Variants in PARPBP observed in about 807,000 individuals in gnomAD.
The protein encoded by PARPBP is PCNA-interacting partner.
In PARPBP, 52 loss-of-function variants were observed where a neutral mutation model predicts 50.0. The ratio of observed to expected loss-of-function variants is 1.04; its 90% CI spans 0.83 to 1.31. The LOEUF (loss-of-function observed/expected upper bound fraction) is 1.31. Ranked by LOEUF, PARPBP falls within the 50% of genes most tolerant of loss-of-function variation. The pLI, the probability that PARPBP is intolerant of heterozygous loss-of-function variation, is 0.00. For missense variants in PARPBP, 697 were observed against 672.0 expected (o/e 1.04, Z -0.41); for synonymous variants, 244 against 232.1 (o/e 1.05, Z -0.47).
chr12:102,194,777 ATTTTG>A (rs1891114674), intron 9 of PARPBP, among the ~76,000 whole-genome samples: 1 of 151,546 alleles, frequency 6.6e-6, no homozygotes, highest in African/African-American at 2.4e-5. Flanking sequence ...TTCCTATATC[ATTTTG>A]TTTTATCTTG....
intron 2 of PARPBP, among the ~76,000 whole-genome samples, chr12:102,134,399 A>G (rs1274822275): frequency 1.3e-5 from 2 of 152,196 alleles, no homozygotes; most frequent in Non-Finnish European, 2.9e-5. Context: ...CCAAGACTAC[A>G]TCATGAAGAA....
intron 8 of PARPBP, among the ~76,000 whole-genome samples, chr12:102,180,596 G>A (rs73384888): frequency 1.3e-5 from 2 of 152,128 alleles, no homozygotes; most frequent in Non-Finnish European, 2.9e-5. Flanking sequence ...CCAGCTACTT[G>A]GGAGCCTGAG....
Position 102,178,602 on chromosome 12 carries a change from A to T in PARPBP, c.1016A>T (p.His339Leu). The T allele has an allele frequency of 6.4e-7, 1 of 1,572,786 alleles. No homozygotes were observed. The highest frequency in any genetic ancestry group is 8.6e-7 in the Non-Finnish European group (1 of 1,160,314). Reference protein sequence around the residue: ...TDISPARPKSHAINHGTAYCG... With the variant: ...TDISPARPKSLAINHGTAYCG... ...TATTTTTTGTCTCAGCCAAAATCTC[A>T]TGCCATAAACCATGGTACTGCATAC... The change falls in exon 8 of 11, where the codon CAT becomes CTT. Residue 339 changes from histidine to leucine, a missense_variant. By Grantham distance (99) the His-to-Leu change is moderately conservative. Transcript: ENST00000327680.
At chr12:102,136,810 G>C (rs548213599) in intron 2 of PARPBP, among the ~76,000 whole-genome samples, 3 of 152,290 alleles carry the variant, frequency 2.0e-5, no homozygotes, top group Non-Finnish European at 4.4e-5. Context: ...ATACCTATAT[G>C]TCTGCGGGTG....
chr12:102,182,072 A>G (rs2136955980), intron 8 of PARPBP, among the ~76,000 whole-genome samples: 1 of 152,298 alleles, frequency 6.6e-6, no homozygotes, highest in Non-Finnish European at 1.5e-5. Flanking sequence ...ATTTACCTTC[A>G]CATGACTTTA....
At chr12:102,131,414 T>G (rs1385073725) in intron 2 of PARPBP, among the ~76,000 whole-genome samples, 1 of 152,124 alleles carries the variant, frequency 6.6e-6, no homozygotes, top group Non-Finnish European at 1.5e-5. Context: ...GTTCAACCAT[T>G]GTGTAAAGCA....
Position 102,130,728 on chromosome 12 carries a change from G to T in PARPBP, c.153+6687G>T, listed in dbSNP as rs140120309. On this transcript the variant is annotated intron_variant, in intron 2 of 10. Coordinates refer to ENST00000327680, the MANE Select transcript of PARPBP (RefSeq NM_017915.5). ...ACATTAGCCGGGCATGGGGGCAGAC[G>T]CCTGTAATCCCAGCTACTCGGGAGA... Among the ~76,000 whole-genome samples, 547 of 151,668 alleles carry T rather than the reference G, an allele frequency of 3.6e-3. 32 individuals are homozygous for T. The East Asian group carries it at 0.089, about 25-fold the overall frequency.
At position 102,184,713 on chromosome 12, in the gene PARPBP, T is replaced by A. The variant is rs574152041; in HGVS notation, c.1263+2086T>A. Among the ~76,000 whole-genome samples the A allele has an allele frequency of 2.5e-3, 375 of 152,328 alleles. 7 individuals carry two copies. Among genetic ancestry groups the A allele is most frequent in the Admixed American group, 4.0e-3 (61 of 15,296 alleles). On this transcript the variant is annotated intron_variant, in intron 9 of 10. Transcript: ENST00000327680. ...AATCAAGAAAGGAAAGCATTGCTTA[T>A]GTTTTTGCGATACTCTTTTTAAAAG...
In PARPBP at chr12:102,164,349, T is replaced by A; in HGVS notation, c.496-89T>A. 4.3e-6 allele frequency: 4 copies of A among 930,572 alleles called. No individual in the cohort carries two copies. In the South Asian group the frequency reaches 6.4e-5, roughly 15 times the overall value. 57.6% of individuals were successfully genotyped at this position (930,572 alleles called of 1,614,324 possible). ...AGTTAAGTGAGGTATTGTGATTGAA[T>A]GATTACATACATTTTTACTGCTTAT... On this transcript the variant is annotated intron_variant, in intron 4 of 10. Transcript: ENST00000327680.
chr12:102,195,111 A>T (rs1891158674), intron 9 of PARPBP, among the ~76,000 whole-genome samples: 1 of 151,754 alleles, frequency 6.6e-6, no homozygotes, highest in Non-Finnish European at 1.5e-5. Flanking sequence ...TTATTTTGGA[A>T]AAGAACAAAA....
intron 1 of PARPBP, among the ~76,000 whole-genome samples, chr12:102,123,654 A>T (rs571884212): frequency 6.6e-6 from 1 of 152,218 alleles, no homozygotes; most frequent in East Asian, 1.9e-4. Flanking sequence ...TGAAGGCTAC[A>T]TTTTGTTCTT....
chr12:102,176,805 C>G (rs1435663095), intron 7 of PARPBP, among the ~76,000 whole-genome samples: 2 of 152,116 alleles, frequency 1.3e-5, no homozygotes, highest in African/African-American at 4.8e-5. Context: ...TATAACAGTG[C>G]TTGTTTTTAG....
At position 102,196,082 on chromosome 12, in the gene PARPBP, A is replaced by T; in HGVS notation, c.1531A>T (p.Lys511Ter). 1 of 1,612,140 alleles carries T rather than the reference A, an allele frequency of 6.2e-7. No homozygotes were observed. The highest frequency in any genetic ancestry group is 8.5e-7 in the Non-Finnish European group (1 of 1,178,754). ...GACAGGAAATAAAAGCTCAAAAAGGAAACAGGTGGATTTGGATGGTGAAAA... is the reference window on the plus strand; with the variant it reads ...GACAGGAAATAAAAGCTCAAAAAGGTAACAGGTGGATTTGGATGGTGAAAA... ...SQTGNKSSKR[K>*]QVDLDGENIL... is the part of the protein sequence containing the mutation. The change falls in exon 11 of 11, where the codon AAA (lysine) becomes TAA (stop). Residue 511 changes from lysine (K) to a stop codon, truncating the protein, a stop_gained. Coordinates refer to ENST00000327680, the MANE Select transcript of PARPBP (RefSeq NM_017915.5). LOFTEE classifies it low-confidence loss of function (END_TRUNC).
chr12:102,192,257 C>G (rs1890860466), intron 9 of PARPBP, among the ~76,000 whole-genome samples: 1 of 152,032 alleles, frequency 6.6e-6, no homozygotes. Context: ...GATATAGTGT[C>G]TACATAGATT....
intron 4 of PARPBP, among the ~76,000 whole-genome samples, chr12:102,155,450 G>A (rs1886742614): frequency 6.6e-6 from 1 of 152,044 alleles, no homozygotes; most frequent in South Asian, 2.1e-4. Flanking sequence ...AGCTGGGAAG[G>A]TGACCGCATC....
chr12:102,124,347 A>G (rs1314849309), intron 2 of PARPBP, among the ~76,000 whole-genome samples: 1 of 152,234 alleles, frequency 6.6e-6, no homozygotes, highest in Admixed American at 6.5e-5. Flanking sequence ...TTTTTATTTA[A>G]TAAGACTTTT....
At chr12:102,163,118 C>A (rs1037344968) in intron 4 of PARPBP, among the ~76,000 whole-genome samples, 17 of 152,162 alleles carry the variant, frequency 1.1e-4, no homozygotes, top group African/African-American at 4.1e-4. Context: ...ACTGTCTTTT[C>A]TTCATTGTTC....
Position 102,148,254 on chromosome 12 carries a change from C to G in PARPBP, c.178C>G (p.Leu60Val), listed in dbSNP as rs1234291326. The G allele has an allele frequency of 6.4e-7, 1 of 1,573,216 alleles. No individual in the cohort carries two copies. The highest frequency in any genetic ancestry group is 8.7e-7 in the Non-Finnish European group (1 of 1,152,734). Residue 60 changes from leucine to valine, a missense_variant, in exon 3 of 11, where the codon CTC becomes GTC. Coordinates refer to ENST00000327680, the MANE Select transcript of PARPBP (RefSeq NM_017915.5). ...KQHSGEFTVS[L>V]SDVLLTWKYL... The stretch of plus-strand genomic sequence containing the variant: ...GCACAGTGGAGAATTTACAGTCTCT[C>G]TCAGTGATGTTTTATTGACATGGAA...
chr12:102,158,555 C>A (rs1245106463), intron 4 of PARPBP, among the ~76,000 whole-genome samples: 2 of 152,180 alleles, frequency 1.3e-5, no homozygotes, highest in African/African-American at 4.8e-5. Flanking sequence ...GTTTCCTGCC[C>A]AGACCTGGTT....
Sources: allele counts gnomAD v4.1 joint callset (sites outside exome capture counted in the v4.1 genomes callset), GRCh38; gene constraint gnomAD v4.1.1; transcripts MANE v1.5; gene names NCBI Gene and HGNC (gene_info 2026-07-23, HGNC 2026-07-21).